DNAH6: variants seen among roughly 807,000 people sequenced by gnomAD.
DNAH6 encodes dynein axonemal heavy chain 6.
DNAH6 carries 340 observed loss-of-function variants against 491.4 expected under a neutral mutation model. That is an observed-to-expected ratio of 0.69 (90% CI 0.63 to 0.76). The LOEUF (loss-of-function observed/expected upper bound fraction) is 0.76, where lower values mean the gene tolerates loss of function less well. DNAH6 is among the 30% of genes least tolerant of loss of function. DNAH6 has a pLI of 0.00. For missense variants in DNAH6, 4,443 were observed against 4,972.2 expected (o/e 0.89, Z 3.20); for synonymous variants, 1,603 against 1,686.1 (o/e 0.95, Z 1.21).
At chr2:84,577,551 G>C in intron 13 of DNAH6, 143 bp downstream of exon 13, 1 of 644,180 alleles carries the variant, frequency 1.6e-6, no homozygotes, top group Non-Finnish European at 2.4e-6. Context: ...TAATTTCTAA[G>C]AAAAGCTCTA....
At chr2:84,621,652 C>G in intron 26 of DNAH6, 101 bp downstream of exon 26, 1 of 628,750 alleles carries the variant, frequency 1.6e-6, no homozygotes, top group Non-Finnish European at 2.7e-6. Context: ...TTCAGAAATT[C>G]TAATGCTCTG....
At chr2:84,600,030 G>T (rs1202861851) in intron 18 of DNAH6, among the ~76,000 whole-genome samples, 4 of 152,118 alleles carry the variant, frequency 2.6e-5, no homozygotes, top group East Asian at 1.9e-4. Flanking sequence ...GCATTCTGCT[G>T]TTGCTCAGTG....
Position 84,815,860 on chromosome 2 carries a change from G to A in DNAH6, c.12151-1G>A. 1 of 1,548,360 alleles carries A rather than the reference G, an allele frequency of 6.5e-7. No homozygotes were observed. Among genetic ancestry groups the A allele is most frequent in the South Asian group, 1.2e-5 (1 of 83,860 alleles). Reference sequence around the variant, plus strand: ...CTTTGAGACTTGTGGGTATCTTTCAGTTGCCCTCTCCTGAGGATGGTGTTC... The same window carrying A: ...CTTTGAGACTTGTGGGTATCTTTCAATTGCCCTCTCCTGAGGATGGTGTTC... On this transcript the variant is annotated splice_acceptor_variant, in intron 75 of 76. Coordinates refer to ENST00000389394, the MANE Select transcript of DNAH6 (RefSeq NM_001370.2). LOFTEE classifies it high-confidence loss of function.
chr2:84,736,438 A>G (rs538707922), intron 62 of DNAH6, among the ~76,000 whole-genome samples: 4 of 152,296 alleles, frequency 2.6e-5, no homozygotes, highest in Admixed American at 6.5e-5. Flanking sequence ...TTCGGATAGC[A>G]TAGTCATTTT....
At chr2:84,609,697 T>C (rs12474762) in intron 21 of DNAH6, among the ~76,000 whole-genome samples, 122,449 of 151,820 alleles carry the variant, frequency 0.81, 52,081 homozygotes, top group East Asian at 0.99. Context: ...TAATGTTTAA[T>C]AATAATATTT....
At chr2:84,517,758 C>T (rs1675735395) in intron 1 of DNAH6, 61 bp from the exon 2 acceptor site, 1 of 1,317,214 alleles carries the variant, frequency 7.6e-7, no homozygotes, top group Non-Finnish European at 1.0e-6. Context: ...CTCCAGTAGC[C>T]TCCTTCCCCA....
intron 20 of DNAH6, among the ~76,000 whole-genome samples, chr2:84,606,566 G>A (rs72941067): frequency 0.041 from 6,165 of 152,178 alleles, 407 homozygotes; most frequent in African/African-American, 0.14. Context: ...ATAATTGAGA[G>A]AAAGTGATAA....
rs541953058 is a variant in DNAH6, at chr2:84,715,629, TA to T, written c.9611+9del. On this transcript the variant is annotated splice_donor_region_variant and intron_variant, in intron 58 of 76. Transcript: ENST00000389394. ...AGGCCTGGAGGATCAGTTGTTAAGG[TA>T]AAAAAACAGGGAGTTGAGGGGAGGG... is the stretch of plus-strand genomic sequence containing the variant. The T allele has an allele frequency of 7.7e-6, 12 of 1,550,888 alleles. No homozygotes were observed. In the East Asian group the frequency reaches 1.7e-4, roughly 22 times the overall value.
At chr2:84,671,362 C>G (rs910883981) in intron 39 of DNAH6, among the ~76,000 whole-genome samples, 1 of 152,130 alleles carries the variant, frequency 6.6e-6, no homozygotes, top group Admixed American at 6.5e-5. Flanking sequence ...CCCTCACTCT[C>G]CAGCAGTCCA....
chr2:84,515,090 G>T (rs1432364638), upstream of DNAH6, among the ~76,000 whole-genome samples: 2 of 152,046 alleles, frequency 1.3e-5, no homozygotes, highest in Non-Finnish European at 1.5e-5. Flanking sequence ...GTCTAACATT[G>T]CTTGTTATTA....
chr2:84,591,696 C>G (rs902158665), intron 16 of DNAH6, among the ~76,000 whole-genome samples: 3 of 152,152 alleles, frequency 2.0e-5, no homozygotes, highest in African/African-American at 7.2e-5. Context: ...CTCACACTTC[C>G]TAATCTAAAA....
rs1169698851 is a variant in DNAH6, at chr2:84,762,916, G to C, written c.10674G>C (p.Arg3558Ser). The stretch of plus-strand genomic sequence containing the variant: ...CAGATCCCATGGGTGCATTTCAGAG[G>C]TTTGCCAGGGAAAGTGGATATTCAG... ...TGSDPMGAFQ[R>S]FARESGYSER... Residue 3558 changes from arginine to serine, a missense_variant, in exon 64 of 77, where the codon AGG becomes AGC. Around this residue, in one of 3 missense-constraint regions of DNAH6, gnomAD observed 1,463 missense variants for 1,656.6 expected, o/e 0.88. Transcript: ENST00000389394. 1.5e-5 allele frequency: 24 copies of C among 1,551,456 alleles called. No homozygotes were observed. The South Asian group carries it at 2.7e-4, about 18-fold the overall frequency.
chr2:84,524,725 ACAT>A (rs1676456013), intron 2 of DNAH6, among the ~76,000 whole-genome samples: 1 of 152,030 alleles, frequency 6.6e-6, no homozygotes. Context: ...ATTAATCTTA[ACAT>A]CATTTTTATA....
intron 41 of DNAH6, among the ~76,000 whole-genome samples, chr2:84,678,539 T>G (rs7578174): frequency 0.75 from 113,281 of 151,960 alleles, 42,682 homozygotes; most frequent in East Asian, 0.92. Context: ...CAAATTCAGG[T>G]TTATGACTAC....
At chr2:84,485,631 G>A in the DNAH6 span, among the ~76,000 whole-genome samples, 3 of 152,114 alleles carry the variant, frequency 2.0e-5, no homozygotes, top group Non-Finnish European at 4.4e-5. Context: ...CTTTCTGCTC[G>A]AGGGGTTTTG....
At chr2:84,813,796 A>T (rs987162879) in intron 74 of DNAH6, among the ~76,000 whole-genome samples, 175 bp from the exon 75 acceptor site, 3 of 151,772 alleles carry the variant, frequency 2.0e-5, no homozygotes, top group African/African-American at 7.3e-5. Flanking sequence ...TCCCAACATG[A>T]CCCGCAGGCT....
intron 63 of DNAH6, among the ~76,000 whole-genome samples, chr2:84,756,434 T>G (rs1403757476): frequency 6.6e-6 from 1 of 152,220 alleles, no homozygotes; most frequent in Non-Finnish European, 1.5e-5. Flanking sequence ...ATACACTTCC[T>G]TATTCCACTT....
At position 84,653,320 on chromosome 2, in the gene DNAH6, G is replaced by A. The variant is rs944764980; in HGVS notation, c.5080G>A (p.Gly1694Arg). Reference sequence around the variant, plus strand: ...TTGATTTTATTTTTGTTTTGACAGTGGAATCATATCTGACCTTTTTCCTGG... The same window carrying A: ...TTGATTTTATTTTTGTTTTGACAGTAGAATCATATCTGACCTTTTTCCTGG... ...FLTDDALLFS[G>R]IISDLFPGVQ... The change falls in exon 34 of 77, where the codon GGA becomes AGA. Residue 1694 changes from glycine to arginine, a missense_variant and splice_region_variant. Around this residue, in one of 3 missense-constraint regions of DNAH6, gnomAD observed 2,977 missense variants for 3,296.6 expected, o/e 0.90. Transcript: ENST00000389394. The A allele has an allele frequency of 2.0e-6, 3 of 1,505,868 alleles. No individual in the cohort carries two copies. The highest frequency in any genetic ancestry group is 2.8e-5 in the African/African-American group (2 of 70,942). 93.3% of individuals were successfully genotyped at this position (1,505,868 alleles called of 1,614,324 possible).
chr2:84,774,347 C>A (rs1675920844), intron 64 of DNAH6, among the ~76,000 whole-genome samples: 3 of 152,034 alleles, frequency 2.0e-5, no homozygotes, highest in African/African-American at 7.2e-5. Flanking sequence ...TTATTAGTGT[C>A]AACTTTGTCA....
Sources: allele counts gnomAD v4.1 joint callset (sites outside exome capture counted in the v4.1 genomes callset), GRCh38; gene constraint gnomAD v4.1.1; regional missense constraint gnomAD v4.1.1; transcripts MANE v1.5; gene names NCBI Gene and HGNC (gene_info 2026-07-23, HGNC 2026-07-21).